CAMK1D: variants seen among roughly 807,000 people sequenced by gnomAD.
The protein encoded by CAMK1D is calcium/calmodulin dependent protein kinase ID.
Under a neutral mutation model 47.7 loss-of-function variants are expected in CAMK1D, and 9 were observed. That is an observed-to-expected ratio of 0.19 (90% CI 0.11 to 0.33). The LOEUF (loss-of-function observed/expected upper bound fraction) is 0.33, where lower values mean the gene tolerates loss of function less well. Ranked by LOEUF, CAMK1D falls within the 10% of genes least tolerant of loss-of-function variation. The pLI, the probability that CAMK1D is intolerant of heterozygous loss-of-function variation, is 1.00. For synonymous variants in CAMK1D, 184 were observed against 184.9 expected, an observed-to-expected ratio of 0.99 and a Z score of 0.04; for missense variants, 291 against 488.7, an observed-to-expected ratio of 0.60 and a Z score of 3.81.
chr10:12,679,184 A>C (rs139129401), intron 3 of CAMK1D, among the ~76,000 whole-genome samples: 1 of 152,258 alleles, frequency 6.6e-6, no homozygotes, highest in Non-Finnish European at 1.5e-5. Flanking sequence ...AAGTATGTAC[A>C]GTTTAAAAAT....
chr10:12,675,509 T>G (rs1266248596), intron 3 of CAMK1D, among the ~76,000 whole-genome samples: 1 of 152,184 alleles, frequency 6.6e-6, no homozygotes, highest in Non-Finnish European at 1.5e-5. Context: ...TTTTCTCTTA[T>G]ACCCAACAAT....
At chr10:12,465,285 A>C (rs1833558063) in intron 1 of CAMK1D, among the ~76,000 whole-genome samples, 1 of 152,220 alleles carries the variant, frequency 6.6e-6, no homozygotes, top group South Asian at 2.1e-4. Flanking sequence ...TATAATTAAA[A>C]TTCTCTGATA....
chr10:12,680,769 A>G (rs911424205), intron 3 of CAMK1D, among the ~76,000 whole-genome samples: 2 of 151,984 alleles, frequency 1.3e-5, no homozygotes, highest in African/African-American at 2.4e-5. Flanking sequence ...CCGGATGATT[A>G]ATTTTACATC....
chr10:12,827,097 C>G (rs994076614), intron 10 of CAMK1D, among the ~76,000 whole-genome samples: 41 of 152,232 alleles, frequency 2.7e-4, no homozygotes, highest in Admixed American at 2.4e-3. Context: ...AGGTGAACAT[C>G]TCTATTCTTG....
intron 1 of CAMK1D, among the ~76,000 whole-genome samples, chr10:12,445,934 C>T (rs575306921): frequency 1.3e-5 from 2 of 151,950 alleles, no homozygotes; most frequent in Admixed American, 1.3e-4. Context: ...CTAATTTTAG[C>T]CATAACAAAT....
At chr10:12,821,839 G>A (rs1050956587) in intron 8 of CAMK1D, among the ~76,000 whole-genome samples, 3 of 152,146 alleles carry the variant, frequency 2.0e-5, no homozygotes, top group Non-Finnish European at 4.4e-5. Flanking sequence ...GCCTGGCATG[G>A]TGGTGCATGC....
chr10:12,649,219 C>T (rs1219737272), intron 2 of CAMK1D, among the ~76,000 whole-genome samples: 1 of 152,260 alleles, frequency 6.6e-6, no homozygotes, highest in South Asian at 2.1e-4. Flanking sequence ...CACACTAACA[C>T]AGAGAGGCAG....
intron 1 of CAMK1D, among the ~76,000 whole-genome samples, chr10:12,522,062 T>C (rs541449150): frequency 6.6e-6 from 1 of 152,118 alleles, no homozygotes; most frequent in East Asian, 1.9e-4. Context: ...GCCATTTACA[T>C]TTACTCTAAT....
intron 2 of CAMK1D, among the ~76,000 whole-genome samples, chr10:12,655,855 C>T (rs1252278321): frequency 6.6e-6 from 1 of 152,222 alleles, no homozygotes; most frequent in Admixed American, 6.5e-5. Flanking sequence ...CTGTGTCCAG[C>T]TGACAAACTT....
At chr10:12,481,485 T>C (rs12764039) in intron 1 of CAMK1D, among the ~76,000 whole-genome samples, 24,444 of 152,086 alleles carry the variant, frequency 0.16, 2,066 homozygotes, top group African/African-American at 0.2. Flanking sequence ...TCCCATGTTG[T>C]GTGGCTGGCC....
intron 3 of CAMK1D, among the ~76,000 whole-genome samples, chr10:12,678,190 T>G (rs1840876548): frequency 6.6e-6 from 1 of 152,222 alleles, no homozygotes; most frequent in African/African-American, 2.4e-5. Context: ...CCATACATTT[T>G]GGTATGTTGT....
chr10:12,735,635 C>G (rs1419907571), intron 3 of CAMK1D, among the ~76,000 whole-genome samples: 10 of 152,214 alleles, frequency 6.6e-5, no homozygotes, highest in Admixed American at 6.5e-4. Flanking sequence ...ACTCTCACCT[C>G]TAGAGGTACC....
At chr10:12,350,178 C>T (rs138715812) in intron 1 of CAMK1D, among the ~76,000 whole-genome samples, 35 of 152,034 alleles carry the variant, frequency 2.3e-4, no homozygotes, top group African/African-American at 7.7e-4. Context: ...TCCCACTTCT[C>T]CTGCCACCGC....
chr10:12,826,515 C>T (rs1225944567), intron 10 of CAMK1D, among the ~76,000 whole-genome samples: 3 of 152,170 alleles, frequency 2.0e-5, no homozygotes, highest in African/African-American at 7.2e-5. Context: ...TTACTCTCTC[C>T]TTATCTCTCT....
intron 1 of CAMK1D, among the ~76,000 whole-genome samples, chr10:12,384,881 A>G (rs1490639433): frequency 6.6e-6 from 1 of 152,224 alleles, no homozygotes; most frequent in Non-Finnish European, 1.5e-5. Context: ...CGTTTTGAAA[A>G]TCTGTAAAGG....
intron 3 of CAMK1D, among the ~76,000 whole-genome samples, chr10:12,685,591 G>C (rs1832628916): frequency 6.6e-6 from 1 of 152,160 alleles, no homozygotes; most frequent in African/African-American, 2.4e-5. Flanking sequence ...AAGAGCCTGG[G>C]CTGTTCATCA....
chr10:12,543,885 C>T (rs564607677), intron 1 of CAMK1D, among the ~76,000 whole-genome samples: 1 of 152,178 alleles, frequency 6.6e-6, no homozygotes, highest in Non-Finnish European at 1.5e-5. Flanking sequence ...TCCATTGAAA[C>T]TGACTAGATA....
chr10:12,547,793 G>C (rs1204801752), intron 1 of CAMK1D, among the ~76,000 whole-genome samples: 3 of 152,314 alleles, frequency 2.0e-5, no homozygotes, highest in African/African-American at 4.8e-5. Context: ...TGGAACAGGG[G>C]AAGTGTCTTC....
intron 6 of CAMK1D, among the ~76,000 whole-genome samples, chr10:12,793,075 C>G (rs1588935259): frequency 6.6e-6 from 1 of 151,968 alleles, no homozygotes; most frequent in Non-Finnish European, 1.5e-5. Context: ...TGTTACTCAC[C>G]CTGGCTCTCT....
Sources: gnomAD v4.1 joint callset for allele counts (sites outside exome capture counted in the v4.1 genomes callset) on GRCh38, gnomAD v4.1.1 for gene constraint, MANE v1.5 for transcripts, NCBI Gene and HGNC (gene_info 2026-07-23, HGNC 2026-07-21) for gene names.